Variants in DMD observed in about 807,000 individuals in gnomAD.
DMD encodes the protein mutant dystrophin.
DMD carries 63 observed loss-of-function variants against 330.1 expected under a neutral mutation model. The ratio of observed to expected loss-of-function variants is 0.19; its 90% CI spans 0.16 to 0.24. The LOEUF (loss-of-function observed/expected upper bound fraction) is 0.24. Ranked by LOEUF, DMD falls within the 10% of genes least tolerant of loss-of-function variation. The probability of loss-of-function intolerance (pLI) is 1.00; values close to 1 mark genes in which losing one functional copy is unlikely to be tolerated. For synonymous variants in DMD, 1,223 were observed against 959.8 expected, an observed-to-expected ratio of 1.27 and a Z score of -5.07; for missense variants, 3,344 against 2,684.1, an observed-to-expected ratio of 1.25 and a Z score of -5.43.
chrX:33,110,845 C>G (rs17283533), intron 1 of DMD, among the ~76,000 whole-genome samples: 55,040 of 109,293 alleles, frequency 0.5, 10,511 homozygotes, highest in Non-Finnish European at 0.58. Flanking sequence ...GTGTATTGAA[C>G]GTTCAAATGT....
chrX:32,888,244 G>A (rs1421209508), intron 2 of DMD, among the ~76,000 whole-genome samples: 3 of 109,795 alleles, frequency 2.7e-5, no homozygotes, highest in Admixed American at 9.8e-5. Flanking sequence ...CTATCAACCC[G>A]TCATCTAGGT....
At chrX:32,802,237 T>C (rs2076624962) in intron 7 of DMD, among the ~76,000 whole-genome samples, 1 of 111,442 alleles carries the variant, frequency 9.0e-6, no homozygotes, top group African/African-American at 3.3e-5. Context: ...CCCTTATAAG[T>C]TGGATTGCTA....
intron 36 of DMD, among the ~76,000 whole-genome samples, 156 bp downstream of exon 36, chrX:32,364,426 C>G (rs1024578149): frequency 1.8e-5 from 2 of 111,657 alleles, no homozygotes; most frequent in African/African-American, 6.5e-5. Flanking sequence ...CATTCATTTC[C>G]ATTCAAAGGG....
At chrX:31,323,955 G>T (rs2056598361) in intron 61 of DMD, among the ~76,000 whole-genome samples, 1 of 107,437 alleles carries the variant, frequency 9.3e-6, no homozygotes, top group Non-Finnish European at 1.9e-5. Flanking sequence ...GGGGTTTCTT[G>T]TATGTGTCTC....
chrX:31,543,580 ACATTT>A (rs1279735298), intron 55 of DMD, among the ~76,000 whole-genome samples: 1 of 112,479 alleles, frequency 8.9e-6, no homozygotes, highest in African/African-American at 3.2e-5. Flanking sequence ...AGAAAGAAAT[ACATTT>A]CTATTTTGTT....
intron 6 of DMD, among the ~76,000 whole-genome samples, chrX:32,811,178 TAAAAA>T (rs751834619): frequency 1.2e-5 from 1 of 86,516 alleles, no homozygotes; most frequent in African/African-American, 4.2e-5. Flanking sequence ...TACAACTTAT[TAAAAA>T]AAAAAAAAAA....
At chrX:32,497,713 G>T (rs1357523070) in intron 19 of DMD, among the ~76,000 whole-genome samples, 2 of 111,380 alleles carry the variant, frequency 1.8e-5, no homozygotes, top group Non-Finnish European at 3.8e-5. Context: ...TTACAAAAAG[G>T]ATTACGTCTA....
intron 50 of DMD, among the ~76,000 whole-genome samples, chrX:31,802,862 G>C (rs184782364): frequency 9.0e-6 from 1 of 111,301 alleles, no homozygotes; most frequent in Non-Finnish European, 1.9e-5. Flanking sequence ...CCTGAAAACA[G>C]GGCCTGGATG....
chrX:31,212,192 GTGTGTGTGTT>G (rs1235300975), intron 64 of DMD, among the ~76,000 whole-genome samples: 4 of 102,135 alleles, frequency 3.9e-5, no homozygotes, highest in East Asian at 2.9e-4. Flanking sequence ...GTGTGTGTGT[GTGTGTGTGTT>G]TGTGTGTATT....
At chrX:32,910,693 G>C (rs1441777226) in intron 2 of DMD, among the ~76,000 whole-genome samples, 1 of 111,516 alleles carries the variant, frequency 9.0e-6, no homozygotes, top group Non-Finnish European at 1.9e-5. Context: ...CGCCTGCCTC[G>C]GCCCCCCAAA....
At position 33,245,555 on chromosome X, in the gene DMD, T is replaced by C. The variant is rs776317305; in HGVS notation, c.7+93704A>G. ...TTGTTGTCTTGTTCTGCTGAAGTTATGAATGATTTGTGATGAAGTCCAAGT... is the reference window on the plus strand; with the variant it reads ...TTGTTGTCTTGTTCTGCTGAAGTTACGAATGATTTGTGATGAAGTCCAAGT... On this transcript the variant is annotated intron_variant, in intron 1 of 17. Coordinates refer to the DMD transcript ENST00000288447. 4.5e-5 allele frequency among the ~76,000 whole-genome samples: 5 copies of C among 112,305 alleles called. No individual in the cohort carries two copies. In the South Asian group the frequency reaches 1.8e-3, roughly 41 times the overall value.
intron 29 of DMD, among the ~76,000 whole-genome samples, chrX:32,430,810 GTCTT>G (rs769070661): frequency 2.3e-4 from 26 of 111,481 alleles, no homozygotes; most frequent in African/African-American, 7.2e-4. Flanking sequence ...TGTATTATTT[GTCTT>G]TCTATGTCTG....
intron 2 of DMD, among the ~76,000 whole-genome samples, chrX:32,999,067 C>A (rs1313618606): frequency 1.8e-5 from 2 of 112,507 alleles, no homozygotes; most frequent in Non-Finnish European, 1.9e-5. Context: ...AGGATTTATA[C>A]ATGCAGAACC....
intron 44 of DMD, among the ~76,000 whole-genome samples, chrX:32,107,990 T>C (rs746283686): frequency 9.0e-6 from 1 of 111,181 alleles, no homozygotes; most frequent in Admixed American, 9.6e-5. Context: ...TTCCACATGA[T>C]ACTCAATGCT....
intron 1 of DMD, among the ~76,000 whole-genome samples, chrX:33,207,313 G>A (rs762167166): frequency 2.6e-4 from 29 of 111,047 alleles, no homozygotes; most frequent in African/African-American, 9.1e-4. Context: ...GGTTTAAGAA[G>A]GCACATTGAA....
intron 9 of DMD, among the ~76,000 whole-genome samples, chrX:32,697,269 A>C (rs2063726715): frequency 8.9e-6 from 1 of 111,787 alleles, no homozygotes; most frequent in Admixed American, 9.6e-5. Flanking sequence ...TCATATAGAA[A>C]GTACTAAACA....
chrX:32,529,923 C>T lies in DMD; in HGVS notation c.2169-11792G>A, dbSNP rs5972593. Reference sequence around the variant, plus strand: ...CTATTTTTCCTTATATTTGCATGGTCTCAAATGTATTTCTAGTTTTATATG... The same window carrying T: ...CTATTTTTCCTTATATTTGCATGGTTTCAAATGTATTTCTAGTTTTATATG... On this transcript the variant is annotated intron_variant, in intron 17 of 78. Transcript: ENST00000357033. Among the ~76,000 whole-genome samples, 123 of 111,350 alleles carry T rather than the reference C, an allele frequency of 1.1e-3. 1 individual carries two copies. The highest frequency in any genetic ancestry group is 3.9e-3 in the African/African-American group (120 of 30,658).
At chrX:32,731,277 G>A (rs957975870) in intron 7 of DMD, among the ~76,000 whole-genome samples, 18 of 112,238 alleles carry the variant, frequency 1.6e-4, no homozygotes, top group Admixed American at 3.8e-4. Flanking sequence ...ACGGAATCTC[G>A]CTGATTGCTA....
intron 46 of DMD, among the ~76,000 whole-genome samples, chrX:31,931,527 G>A (rs1319606910): frequency 7.2e-5 from 8 of 110,431 alleles, no homozygotes; most frequent in African/African-American, 9.9e-5. Context: ...ACATTGCTTC[G>A]GGGGAATATA....
Sources: gnomAD v4.1 joint callset for allele counts (sites outside exome capture counted in the v4.1 genomes callset) on GRCh38, gnomAD v4.1.1 for gene constraint, MANE v1.5 for transcripts, NCBI Gene and HGNC (gene_info 2026-07-23, HGNC 2026-07-21) for gene names.